TDRD1: variants seen among roughly 807,000 people sequenced by gnomAD.
TDRD1 encodes tudor domain containing 1, also known as tudor domain-containing protein 1.
Under a neutral mutation model 140.6 loss-of-function variants are expected in TDRD1, and 37 were observed. The ratio of observed to expected loss-of-function variants is 0.26; its 90% CI spans 0.20 to 0.35. The LOEUF is 0.35. Ranked by LOEUF, TDRD1 falls within the 10% of genes least tolerant of loss-of-function variation. The pLI is 1.00. For missense variants in TDRD1, 1,243 were observed against 1,393.0 expected, an observed-to-expected ratio of 0.89 and a Z score of 1.71; for synonymous variants, 506 against 475.7, an observed-to-expected ratio of 1.06 and a Z score of -0.83.
chr10:114,183,963 G>A (rs1229780341), intron 1 of TDRD1, among the ~76,000 whole-genome samples: 2 of 151,742 alleles, frequency 1.3e-5, no homozygotes, highest in Non-Finnish European at 1.5e-5. Flanking sequence ...TTGGTATTTA[G>A]GATTATTTTA....
chr10:114,182,006 A>C (rs1251510303), intron 1 of TDRD1, among the ~76,000 whole-genome samples: 2 of 152,192 alleles, frequency 1.3e-5, no homozygotes, highest in African/African-American at 4.8e-5. Flanking sequence ...AAATTCCAAA[A>C]GGTTTTAGGT....
intron 3 of TDRD1, 45 bp from the exon 4 acceptor site, chr10:114,199,128 A>G (rs2034560995): frequency 6.3e-7 from 1 of 1,582,526 alleles, no homozygotes; most frequent in South Asian, 1.2e-5. Flanking sequence ...TTAAATGGAA[A>G]AGTTATTGCC....
At position 114,206,461 on chromosome 10, in the gene TDRD1, C is replaced by A; in HGVS notation, c.1384+131C>A. On this transcript the variant is annotated intron_variant, in intron 11 of 25. Transcript: ENST00000251864. ...AAACATCCTATGAGCAATTTAAATA[C>A]GCTGTTTTATATTTAGTAGTATATC... 2 of 620,130 alleles carry A rather than the reference C, an allele frequency of 3.2e-6. 1 individual carries two copies. The highest frequency in any genetic ancestry group is 4.5e-5 in the South Asian group (2 of 44,026). The allele number at this position is 620,130 out of a possible 1,614,324, so 38.4% of individuals were successfully genotyped here. A position where few individuals can be genotyped will look rare whatever the true frequency, so the allele number is the denominator to read the frequency against.
At chr10:114,217,455 T>C (rs189653659) in intron 16 of TDRD1, 90 bp from the exon 17 acceptor site, 1 of 670,296 alleles carries the variant, frequency 1.5e-6, no homozygotes, top group African/African-American at 1.9e-5. Context: ...GTCTTGATCA[T>C]AAAAATCACG....
intron 21 of TDRD1, among the ~76,000 whole-genome samples, chr10:114,223,138 G>T (rs187465875): frequency 6.6e-6 from 1 of 152,174 alleles, no homozygotes; most frequent in Non-Finnish European, 1.5e-5. Flanking sequence ...AACAAATTTC[G>T]TATGCTAATA....
chr10:114,179,708 TAA>T (rs1418256691), intron 1 of TDRD1: 1 of 152,226 alleles, frequency 6.6e-6, no homozygotes, highest in Non-Finnish European at 1.5e-5. Context: ...TTCGTTTGAC[TAA>T]AAATTACGAT....
intron 16 of TDRD1, among the ~76,000 whole-genome samples, chr10:114,215,494 A>G (rs1430678540): frequency 6.6e-6 from 1 of 152,196 alleles, no homozygotes; most frequent in African/African-American, 2.4e-5. Context: ...TGATTCAGAA[A>G]CATCTAGTTG....
intron 22 of TDRD1, 100 bp from the exon 23 acceptor site, chr10:114,226,972 C>A: frequency 1.5e-6 from 1 of 675,174 alleles, no homozygotes; most frequent in Non-Finnish European, 2.5e-6. Context: ...CTAAATCCAG[C>A]TGAAGTCCAG....
rs74885507 is a variant in TDRD1 at position 114,219,702 on chromosome 10, C to G, written c.2495-866C>G. 0.019 allele frequency among the ~76,000 whole-genome samples: 2,948 copies of G among 151,800 alleles called. 343 individuals are homozygous for G. The East Asian group carries it at 0.35, about 18-fold the overall frequency. ...TCCCAGATTCAAGCGATTCTCCTAC[C>G]TCATCAGCCTCCTGAGTAGCTGGGA... On this transcript the variant is annotated intron_variant, in intron 18 of 25. Coordinates refer to ENST00000251864, the Ensembl canonical transcript of TDRD1.
intron 3 of TDRD1, among the ~76,000 whole-genome samples, chr10:114,193,289 C>CTTTTTTTTTTTTTTTTTTT (rs1170053036): frequency 1.2e-5 from 1 of 83,684 alleles, no homozygotes; most frequent in Non-Finnish European, 2.3e-5. Context: ...TTGCTGAAGT[C>CTTTTTTTTTTTTTTTTTTT]TTTTTTTTTT....
At chr10:114,205,974 A>G (rs987761957) in intron 10 of TDRD1, among the ~76,000 whole-genome samples, 6 of 152,180 alleles carry the variant, frequency 3.9e-5, no homozygotes, top group African/African-American at 1.4e-4. Context: ...GTAACCTATA[A>G]ATATGTACAC....
At chr10:114,202,209 A>G (rs544569502) in intron 5 of TDRD1, 29 bp from the exon 6 acceptor site, 3 of 1,572,150 alleles carry the variant, frequency 1.9e-6, no homozygotes, top group Non-Finnish European at 2.6e-6. Context: ...TCTGTAGTAT[A>G]AATATTGTAA....
chr10:114,180,852 A>C (rs944283489), intron 1 of TDRD1, among the ~76,000 whole-genome samples: 1 of 152,244 alleles, frequency 6.6e-6, no homozygotes, highest in Admixed American at 6.5e-5. Flanking sequence ...GAGAAGGAAA[A>C]AAATGACAGC....
chr10:114,221,664 A>G (rs893131541), intron 20 of TDRD1, among the ~76,000 whole-genome samples, 188 bp downstream of exon 20: 2 of 152,200 alleles, frequency 1.3e-5, no homozygotes, highest in African/African-American at 4.8e-5. Flanking sequence ...AAGCCCTACT[A>G]CAGTCAGCAC....
At position 114,222,682 on chromosome 10, in the gene TDRD1, G is replaced by T. The variant is rs199536592; in HGVS notation, c.2986G>T (p.Ala996Ser). The T allele has an allele frequency of 1.2e-6, 2 of 1,602,670 alleles. No individual in the cohort carries two copies. Among genetic ancestry groups the T allele is most frequent in the Admixed American group, 3.4e-5 (2 of 59,508 alleles). ...ACCCTATAGACCAAGAATTGGAGAC[G>T]CATGCTGTGCCAAATACACAAGTAA... Residue 996 changes from alanine to serine, a missense_variant, in exon 21 of 26, where the codon GCA (alanine) becomes TCA (serine). By Grantham distance (99) the Ala-to-Ser change is moderately conservative. This residue lies in a region of TDRD1 where 601 missense variants were observed against 734.7 expected (regional missense o/e 0.82). Transcript: ENST00000251864.
At chr10:114,232,504 C>CTTTTTTTT (rs140805425), downstream of TDRD1, among the ~76,000 whole-genome samples, 94 of 81,680 alleles carry the variant, frequency 1.2e-3, no homozygotes, top group East Asian at 3.3e-3. Flanking sequence ...ACTTGAAAGA[C>CTTTTTTTT]TTTTTTTTTT....
At chr10:114,178,698 C>A (rs770539771), upstream of TDRD1, among the ~76,000 whole-genome samples, 1 of 152,058 alleles carries the variant, frequency 6.6e-6, no homozygotes, top group Non-Finnish European at 1.5e-5. Flanking sequence ...CAGAAGCAGA[C>A]GTTCGCTACT....
upstream of TDRD1, among the ~76,000 whole-genome samples, chr10:114,175,992 C>G (rs1675227667): frequency 6.6e-6 from 1 of 152,054 alleles, no homozygotes; most frequent in South Asian, 2.1e-4. Flanking sequence ...CTGTAGAACT[C>G]CATGTAATAA....
At chr10:114,179,205 G>A, upstream of TDRD1, 1 of 152,420 alleles carries the variant, frequency 6.6e-6, no homozygotes, top group Non-Finnish European at 1.5e-5. Context: ...AGCTGCTTCC[G>A]GGGAAGGCGG....
Sources: gnomAD v4.1 joint callset for allele counts (sites outside exome capture counted in the v4.1 genomes callset) on GRCh38, gnomAD v4.1.1 for gene constraint, gnomAD v4.1.1 regional missense constraint, MANE v1.5 for transcripts, NCBI Gene and HGNC (gene_info 2026-07-23, HGNC 2026-07-21) for gene names.